MYO1H: variants seen among roughly 807,000 people sequenced by gnomAD.
The protein encoded by MYO1H is unconventional myosin-Ih.
Under a neutral mutation model 149.3 loss-of-function variants are expected in MYO1H, and 118 were observed. The ratio of observed to expected loss-of-function variants is 0.79; its 90% CI spans 0.68 to 0.92. MYO1H has a LOEUF of 0.92. MYO1H is among the 40% of genes least tolerant of loss of function. The pLI is 0.00. For missense variants in MYO1H, 1,212 were observed against 1,280.7 expected (o/e 0.95, Z 0.82); for synonymous variants, 447 against 465.2 (o/e 0.96, Z 0.50).
chr12:109,415,280 G>A (rs956690622), intron 14 of MYO1H, among the ~76,000 whole-genome samples: 2 of 152,122 alleles, frequency 1.3e-5, no homozygotes, highest in African/African-American at 4.8e-5. Context: ...TTCGAGACCA[G>A]CCTGACCAAC....
chr12:109,336,966 CACTT>C, the MYO1H span, among the ~76,000 whole-genome samples: 1 of 152,114 alleles, frequency 6.6e-6, no homozygotes, highest in Non-Finnish European at 1.5e-5. Flanking sequence ...AAGGAAAACA[CACTT>C]ACTAGAAGGA....
At chr12:109,392,985 AT>A (rs1169404107) in intron 2 of MYO1H, among the ~76,000 whole-genome samples, 2 of 151,302 alleles carry the variant, frequency 1.3e-5, no homozygotes, top group Non-Finnish European at 2.9e-5. Flanking sequence ...AATTTTTTGT[AT>A]TTTTAGTAGA....
chr12:109,347,832 C>T (rs575259127), upstream of MYO1H: 65 of 397,836 alleles, frequency 1.6e-4, 2 homozygotes, highest in South Asian at 5.1e-3. Flanking sequence ...AGCTCCACCC[C>T]GCAAGCTAGA....
chr12:109,401,093 G>T, exon 6 of MYO1H: 3 of 1,613,254 alleles, frequency 1.9e-6, no homozygotes, highest in Non-Finnish European at 2.5e-6. Flanking sequence ...TGTTTTGAAG[G>T]GCATTCCCGT....
rs1273185806 is a variant in MYO1H at position 109,407,701 on chromosome 12, A to AT, written c.1036-89dup. The AT allele has an allele frequency of 6.0e-6, 8 of 1,325,442 alleles. No individual in the cohort carries two copies. In the African/African-American group the frequency reaches 7.5e-5, roughly 12 times the overall value. 82.1% of individuals were successfully genotyped at this position (1,325,442 alleles called of 1,614,324 possible). A position where few individuals can be genotyped will look rare whatever the true frequency, so the allele number is the denominator to read the frequency against. ...CAGCAGAGCGAGACCCTGTCTCATT[A>AT]TTTTATTTTTTTTTTAAGAAAAAAG... On this transcript the variant is annotated intron_variant, in intron 9 of 31. Coordinates refer to ENST00000310903, the Ensembl canonical transcript of MYO1H.
intron 14 of MYO1H, among the ~76,000 whole-genome samples, chr12:109,412,464 A>G (rs531183360): frequency 6.6e-6 from 1 of 152,316 alleles, no homozygotes; most frequent in South Asian, 2.1e-4. Context: ...AGACACAAGT[A>G]TGATTTTTTA....
intron 27 of MYO1H, 105 bp from the exon 28 acceptor site, chr12:109,443,409 G>A: frequency 7.7e-7 from 1 of 1,291,062 alleles, no homozygotes; most frequent in Non-Finnish European, 1.1e-6. Flanking sequence ...CGCAAAATCT[G>A]TTTGAGCTTT....
At chr12:109,366,439 C>G (rs1489585147) in intron 1 of MYO1H, among the ~76,000 whole-genome samples, 2 of 152,118 alleles carry the variant, frequency 1.3e-5, no homozygotes, top group African/African-American at 2.4e-5. Context: ...CCTCTCAGTA[C>G]CCCTCAAGGC....
chr12:109,356,220 C>T (rs1342060015), intron 1 of MYO1H, among the ~76,000 whole-genome samples: 1 of 152,152 alleles, frequency 6.6e-6, no homozygotes, highest in African/African-American at 2.4e-5. Flanking sequence ...AAAAAATTTG[C>T]ATTTGATGGT....
chr12:109,432,457 ATGTT>A (rs1384814107), intron 19 of MYO1H, among the ~76,000 whole-genome samples: 3 of 152,084 alleles, frequency 2.0e-5, no homozygotes, highest in Non-Finnish European at 4.4e-5. Context: ...GTACTAGACT[ATGTT>A]TGTTTGTCTG....
At chr12:109,447,587 A>C in exon 32 of MYO1H, 1 of 215,314 alleles carries the variant, frequency 4.6e-6, no homozygotes, top group Non-Finnish European at 9.7e-6. Context: ...TTGATAAGAC[A>C]TCTGATTCCT....
At chr12:109,322,505 C>A in the MYO1H span, among the ~76,000 whole-genome samples, 2 of 152,096 alleles carry the variant, frequency 1.3e-5, no homozygotes, top group Non-Finnish European at 2.9e-5. Flanking sequence ...TGGGACAAAG[C>A]CAAGTAATGT....
the MYO1H span, among the ~76,000 whole-genome samples, chr12:109,326,970 C>G: frequency 6.6e-6 from 1 of 152,002 alleles, no homozygotes; most frequent in African/African-American, 2.4e-5. Context: ...CAAAATACAC[C>G]TCTTCAATAC....
the MYO1H span, among the ~76,000 whole-genome samples, chr12:109,321,133 G>C: frequency 6.6e-6 from 1 of 152,058 alleles, no homozygotes; most frequent in African/African-American, 2.4e-5. Flanking sequence ...GGGTAAATCT[G>C]CCTGCATAAA....
the MYO1H span, among the ~76,000 whole-genome samples, chr12:109,316,979 G>T: frequency 3.3e-5 from 5 of 152,226 alleles, no homozygotes; most frequent in Admixed American, 6.5e-5. Context: ...GGCAGTGAGG[G>T]TTTGGTAGAT....
upstream of MYO1H, among the ~76,000 whole-genome samples, chr12:109,343,691 T>TGA (rs1262702158): frequency 8.5e-5 from 13 of 152,128 alleles, no homozygotes; most frequent in African/African-American, 2.9e-4. Flanking sequence ...TGCTCCCACT[T>TGA]GCATGTGTTT....
intron 19 of MYO1H, 136 bp downstream of exon 19, chr12:109,427,722 T>C: frequency 1.6e-6 from 1 of 614,654 alleles, no homozygotes; most frequent in Non-Finnish European, 3.0e-6. Context: ...TTATGACAGC[T>C]AAAAACACTA....
intron 5 of MYO1H, among the ~76,000 whole-genome samples, chr12:109,399,251 G>T (rs1036354487): frequency 6.6e-6 from 1 of 152,120 alleles, no homozygotes; most frequent in Admixed American, 6.5e-5. Context: ...GAATTTCTAC[G>T]TATGTGTCCA....
chr12:109,443,728 G>A (rs1872352096), intron 28 of MYO1H, 79 bp downstream of exon 28: 2 of 1,544,008 alleles, frequency 1.3e-6, no homozygotes, highest in South Asian at 1.2e-5. Flanking sequence ...GCTCCCAAAT[G>A]GGAAACACAA....
Sources: allele counts gnomAD v4.1 joint callset (sites outside exome capture counted in the v4.1 genomes callset), GRCh38; gene constraint gnomAD v4.1.1; transcripts MANE v1.5; gene names NCBI Gene and HGNC (gene_info 2026-07-23, HGNC 2026-07-21).